The following NMU variants were observed in gnomAD, a reference collection of about 807,000 sequenced individuals.
The protein encoded by NMU is neuromedin-U.
A neutral mutation model predicts 35.4 loss-of-function variants in NMU; 29 were observed. The ratio of observed to expected loss-of-function variants is 0.82; its 90% CI spans 0.61 to 1.12. The LOEUF (loss-of-function observed/expected upper bound fraction) is 1.12. Among genes scored for constraint, NMU ranks in the 50% most tolerant of loss-of-function variants. The probability of loss-of-function intolerance (pLI) is 0.00; values close to 1 mark genes in which losing one functional copy is unlikely to be tolerated. For missense variants in NMU, 199 were observed against 206.2 expected, an observed-to-expected ratio of 0.97 and a Z score of 0.21; for synonymous variants, 78 against 81.3, an observed-to-expected ratio of 0.96 and a Z score of 0.22.
chr4:55,631,087 C>T (rs2110213549), intron 1 of NMU, among the ~76,000 whole-genome samples: 1 of 152,106 alleles, frequency 6.6e-6, no homozygotes, highest in South Asian at 2.1e-4. Flanking sequence ...GAAAGGACAC[C>T]CTATTCAATA....
At chr4:55,624,084 A>T (rs1204651933) in intron 2 of NMU, among the ~76,000 whole-genome samples, 2 of 147,782 alleles carry the variant, frequency 1.4e-5, no homozygotes, top group Non-Finnish European at 3.0e-5. Context: ...AAACCTAGGC[A>T]TTACCATTCA....
At chr4:55,628,587 T>G (rs28694060) in intron 2 of NMU, among the ~76,000 whole-genome samples, 45,102 of 151,814 alleles carry the variant, frequency 0.3, 7,352 homozygotes, top group Middle Eastern at 0.41. Flanking sequence ...CAACCTCCGC[T>G]TCCCAGGCTC....
chr4:55,628,538 A>T (rs1734630649), intron 2 of NMU, among the ~76,000 whole-genome samples: 1 of 151,892 alleles, frequency 6.6e-6, no homozygotes, highest in South Asian at 2.1e-4. Context: ...TCACTCTGTC[A>T]CCCAGGCTGG....
In NMU at chr4:55,616,350, A is replaced by G; in HGVS notation, c.207T>C (p.Asp69=). ...CAATTGGAATTACCTGAGGCTGAGAATCAATGGACAGAAAAGACGAACAAG... is the reference window on the plus strand; with the variant it reads ...CAATTGGAATTACCTGAGGCTGAGAGTCAATGGACAGAAAAGACGAACAAG... The part of the protein sequence containing the change: ...DDTCSSFLSI[D]SQPQASNALE... The change falls in exon 3 of 10, where the codon GAT becomes GAC. Residue 69 remains aspartate, a synonymous_variant. Transcript: ENST00000264218. The G allele has an allele frequency of 1.9e-6, 3 of 1,612,162 alleles. No homozygotes were observed. Among genetic ancestry groups the G allele is most frequent in the Non-Finnish European group, 2.5e-6 (3 of 1,178,214 alleles).
In NMU at chr4:55,636,223, G is replaced by C. The variant is rs1379991836; in HGVS notation, c.-31C>G. On this transcript the variant is annotated 5_prime_UTR_variant, in exon 1 of 10. Transcript: ENST00000264218. This position sits in a 1 kb window ranked among gnomAD's most constrained non-coding sequence, Gnocchi z 4.0. ...CGGCTGCGGGAGGCTCGGTGCTAGGGACGCTGCGCTGCGCCACGCGTAGCT... is the reference window on the plus strand; with the variant it reads ...CGGCTGCGGGAGGCTCGGTGCTAGGCACGCTGCGCTGCGCCACGCGTAGCT... 6 of 1,442,704 alleles carry C rather than the reference G, an allele frequency of 4.2e-6. No individual in the cohort carries two copies. The Admixed American group carries it at 8.1e-5, about 19-fold the overall frequency. 89.4% of individuals were successfully genotyped at this position (1,442,704 alleles called of 1,614,324 possible). A position where few individuals can be genotyped will look rare whatever the true frequency, so the allele number is the denominator to read the frequency against.
intron 2 of NMU, among the ~76,000 whole-genome samples, chr4:55,627,030 G>A (rs555378429): frequency 3.9e-4 from 59 of 152,322 alleles, no homozygotes; most frequent in Non-Finnish European, 8.1e-4. Context: ...TCTGCTGTCA[G>A]CGGTGCAGTC....
chr4:55,604,015 G>GTATATATACATGTGTATATATACACA lies in NMU; in HGVS notation c.435+1259_435+1260insTGTGTATATATACACATGTATATATA, dbSNP rs1560513668. ...TATATATACGTATATATGTATATAT[G>GTATATATACATGTGTATATATACACA]TGTATATATATAATCCTAGAAATTA... On this transcript the variant is annotated intron_variant, in intron 7 of 9. Transcript: ENST00000264218. Among the ~76,000 whole-genome samples, 3 of 131,380 alleles carry GTATATATACATGTGTATATATACACA rather than the reference G, an allele frequency of 2.3e-5. 1 individual carries two copies. Among genetic ancestry groups the GTATATATACATGTGTATATATACACA allele is most frequent in the Non-Finnish European group, 4.9e-5 (3 of 60,664 alleles). 86.2% of individuals were successfully genotyped at this position (131,380 alleles called of 152,430 possible). A position where few individuals can be genotyped will look rare whatever the true frequency, so the allele number is the denominator to read the frequency against.
chr4:55,607,559 T>C (rs1158123136), intron 4 of NMU, 93 bp from the exon 5 acceptor site: 1 of 461,736 alleles, frequency 2.2e-6, no homozygotes, highest in Non-Finnish European at 3.9e-6. Flanking sequence ...CACATAATTA[T>C]TTAAAACACA....
intron 7 of NMU, among the ~76,000 whole-genome samples, chr4:55,603,386 G>A (rs1278966190): frequency 1.3e-5 from 2 of 151,506 alleles, no homozygotes; most frequent in African/African-American, 2.4e-5. Flanking sequence ...AACTATAAAG[G>A]GTACAGCATA....
intron 4 of NMU, among the ~76,000 whole-genome samples, chr4:55,607,727 T>C (rs1192645000): frequency 6.6e-6 from 1 of 152,166 alleles, no homozygotes; most frequent in Non-Finnish European, 1.5e-5. Flanking sequence ...ATTGGAAACA[T>C]CCTAAATATT....
At chr4:55,630,285 T>TAATAA (rs1463176629) in intron 2 of NMU, 117 bp downstream of exon 2, 2 of 833,744 alleles carry the variant, frequency 2.4e-6, no homozygotes, top group Non-Finnish European at 3.9e-6. Context: ...ATTCTGGGTT[T>TAATAA]TATTATTAGA....
At chr4:55,615,823 C>T (rs947970088) in intron 3 of NMU, among the ~76,000 whole-genome samples, 2 of 152,142 alleles carry the variant, frequency 1.3e-5, no homozygotes, top group African/African-American at 4.8e-5. Context: ...TGTTGTTCCC[C>T]TCTTTGTGTC....
At chr4:55,624,105 A>C (rs1577958797) in intron 2 of NMU, among the ~76,000 whole-genome samples, 1 of 150,162 alleles carries the variant, frequency 6.7e-6, no homozygotes, top group East Asian at 2.0e-4. Context: ...GGACATAGGC[A>C]TGGGCAAGAA....
intron 1 of NMU, among the ~76,000 whole-genome samples, chr4:55,631,554 CAT>C (rs1400502981): frequency 6.6e-6 from 1 of 151,954 alleles, no homozygotes; most frequent in African/African-American, 2.4e-5. Context: ...AGCCAACAAA[CAT>C]ATGAAAAAAA....
At chr4:55,596,169 A>T (rs1733172839) in intron 9 of NMU, among the ~76,000 whole-genome samples, 1 of 152,150 alleles carries the variant, frequency 6.6e-6, no homozygotes. Context: ...TTTATGTTTA[A>T]CCACTTTCTA....
rs1217978183 is a variant in NMU, at chr4:55,604,061, A to AT, written c.435+1213dup. ...AATTATCAGTGTTACAAGGGTTAGG[A>AT]TTTTTTTTCTTTTTTTTTTTTCGAG... On this transcript the variant is annotated intron_variant, in intron 7 of 9. Coordinates refer to ENST00000264218, the MANE Select transcript of NMU (RefSeq NM_006681.4). Among the ~76,000 whole-genome samples the AT allele has an allele frequency of 2.7e-5, 2 of 74,738 alleles. 1 individual carries two copies. The highest frequency in any genetic ancestry group is 4.8e-5 in the Non-Finnish European group (2 of 41,566). 49.0% of individuals were successfully genotyped at this position (74,738 alleles called of 152,430 possible). A position where few individuals can be genotyped will look rare whatever the true frequency, so the allele number is the denominator to read the frequency against.
chr4:55,632,128 A>G (rs4865019), intron 1 of NMU, among the ~76,000 whole-genome samples: 140,445 of 152,124 alleles, frequency 0.92, 65,541 homozygotes, highest in East Asian at 1. Flanking sequence ...AACATAGAGT[A>G]ATGTAATGGA....
chr4:55,636,307 G>C (rs1303863355), upstream of NMU: 1 of 1,337,566 alleles, frequency 7.5e-7, no homozygotes, highest in Non-Finnish European at 9.6e-7. This position sits in a 1 kb window ranked among gnomAD's most constrained non-coding sequence, Gnocchi z 4.0. Context: ...CTGAGCGCCC[G>C]GCGAGCCGCC....
At chr4:55,634,303 A>G (rs1715789805) in intron 1 of NMU, among the ~76,000 whole-genome samples, 1 of 152,196 alleles carries the variant, frequency 6.6e-6, no homozygotes, top group Non-Finnish European at 1.5e-5. Context: ...TAGTTTTTTT[A>G]GTATTCAGAG....
Sources: gnomAD v4.1 joint callset for allele counts (sites outside exome capture counted in the v4.1 genomes callset) on GRCh38, gnomAD v4.1.1 for gene constraint, Gnocchi (gnomAD v3.1) non-coding constraint, MANE v1.5 for transcripts, NCBI Gene and HGNC (gene_info 2026-07-23, HGNC 2026-07-21) for gene names.